The following RIMBP2 variants were observed in gnomAD, a reference collection of about 807,000 sequenced individuals.
RIMBP2 encodes RIMS-binding protein 2.
RIMBP2 carries 48 observed loss-of-function variants against 118.6 expected under a neutral mutation model. The ratio of observed to expected loss-of-function variants is 0.40; its 90% CI spans 0.32 to 0.51. The LOEUF is 0.51. Among genes scored for constraint, RIMBP2 ranks in the 20% least tolerant of loss-of-function variants. RIMBP2 has a pLI of 0.41. For missense variants in RIMBP2, 1,551 were observed against 1,768.3 expected (o/e 0.88, Z 2.20); for synonymous variants, 762 against 742.9 (o/e 1.03, Z -0.42).
At chr12:130,573,419 A>G (rs569882209) in intron 2 of RIMBP2, among the ~76,000 whole-genome samples, 1 of 151,254 alleles carries the variant, frequency 6.6e-6, no homozygotes, top group South Asian at 2.1e-4. Flanking sequence ...TGTGCGTGTG[A>G]GTGTGTGCGT....
At chr12:130,715,578 A>T (rs1398397969) in intron 1 of RIMBP2, among the ~76,000 whole-genome samples, 1 of 152,158 alleles carries the variant, frequency 6.6e-6, no homozygotes, top group East Asian at 1.9e-4. Context: ...CACACTGCTC[A>T]CACAGGCACA....
rs747665902 is a variant in RIMBP2 at position 130,422,516 on chromosome 12, G to A, written c.3175C>T (p.Arg1059Trp). ...CCAGCGCTGCCACGGGGAAACCTCC[G>A]GCCCATGTGATCCACCCGTCCTGCA... The part of the protein sequence containing the change: ...ASAGRVDHMG[R>W]RFPRGSAGPQ... The change falls in exon 17 of 23, where the codon CGG (arginine) becomes TGG (tryptophan). Residue 1059 changes from arginine (R) to tryptophan (W), a missense_variant. Arg to Trp is a moderately radical substitution (Grantham distance 101). Around this residue, in one of 5 missense-constraint regions of RIMBP2, gnomAD observed 1,038 missense variants for 1,125.1 expected, o/e 0.92. Transcript: ENST00000690449. The surrounding 1 kb of genome is among the most constrained non-coding windows in gnomAD (Gnocchi z 5.2). 1.5e-5 allele frequency: 24 copies of A among 1,612,706 alleles called. No individual in the cohort carries two copies. Among genetic ancestry groups the A allele is most frequent in the Admixed American group, 6.7e-5 (4 of 59,914 alleles).
chr12:130,601,292 CG>C (rs1410118436), intron 2 of RIMBP2, among the ~76,000 whole-genome samples: 2 of 127,670 alleles, frequency 1.6e-5, no homozygotes, highest in East Asian at 5.1e-4. Flanking sequence ...CTAAAAGCCA[CG>C]GGCTGCTCAC....
rs1456123562 is a variant in RIMBP2 at position 130,688,661 on chromosome 12, C to T, written c.-352+27561G>A. ...GGGTGTGCTGGCCTTTCTTGGTGCC[C>T]AAGGGCAGGTGACAGGTACAGGCAG... On this transcript the variant is annotated intron_variant, in intron 1 of 22. Transcript: ENST00000690449. This position sits in a 1 kb window ranked among gnomAD's most constrained non-coding sequence, Gnocchi z 4.7. Among the ~76,000 whole-genome samples the T allele has an allele frequency of 1.3e-5, 2 of 152,128 alleles. No individual in the cohort carries two copies. Among genetic ancestry groups the T allele is most frequent in the Non-Finnish European group, 2.9e-5 (2 of 68,032 alleles).
chr12:130,526,976 A>G (rs1449379612), intron 2 of RIMBP2, among the ~76,000 whole-genome samples: 1 of 152,128 alleles, frequency 6.6e-6, no homozygotes, highest in Non-Finnish European at 1.5e-5. Context: ...GGAGAGAAGG[A>G]GAAACCACAG....
intron 6 of RIMBP2, among the ~76,000 whole-genome samples, chr12:130,460,508 G>A (rs751894470): frequency 1.3e-5 from 2 of 152,146 alleles, no homozygotes; most frequent in Non-Finnish European, 2.9e-5. Context: ...TAGTGGTATA[G>A]TAACAGTGCT....
intron 19 of RIMBP2, among the ~76,000 whole-genome samples, chr12:130,409,332 C>CT (rs35015661): frequency 0.34 from 22,481 of 65,362 alleles, 8,616 homozygotes; most frequent in Non-Finnish European, 0.5. Flanking sequence ...CAAAATGTAG[C>CT]TTTTTTTTTT....
chr12:130,401,328 C>A (rs1318282801), intron 21 of RIMBP2, among the ~76,000 whole-genome samples: 1 of 152,104 alleles, frequency 6.6e-6, no homozygotes, highest in East Asian at 1.9e-4. Context: ...GTTGGCCAAG[C>A]TGGTCTCGAA....
At chr12:130,519,418 C>T (rs766526677) in intron 2 of RIMBP2, among the ~76,000 whole-genome samples, 2 of 152,158 alleles carry the variant, frequency 1.3e-5, no homozygotes, top group Non-Finnish European at 1.5e-5. Context: ...TGCTTTGTTC[C>T]GGGAAACAAT....
intron 1 of RIMBP2, among the ~76,000 whole-genome samples, chr12:130,699,291 C>T (rs1442265667): frequency 3.3e-5 from 5 of 152,166 alleles, no homozygotes; most frequent in East Asian, 3.9e-4. Flanking sequence ...ATGTCTATTG[C>T]GGCACTATTC....
At chr12:130,464,685 G>C (rs562739704) in intron 6 of RIMBP2, among the ~76,000 whole-genome samples, 1 of 152,254 alleles carries the variant, frequency 6.6e-6, no homozygotes, top group Non-Finnish European at 1.5e-5. Context: ...ACGAGGCCAA[G>C]AGGGACTTGC....
At chr12:130,692,005 C>T (rs1016122270) in intron 1 of RIMBP2, among the ~76,000 whole-genome samples, 110 of 152,248 alleles carry the variant, frequency 7.2e-4, no homozygotes, top group African/African-American at 2.6e-3. Context: ...AGGAAAACTG[C>T]CCTGGATGCT....
At chr12:130,599,567 T>C (rs977481213) in intron 2 of RIMBP2, among the ~76,000 whole-genome samples, 2 of 152,186 alleles carry the variant, frequency 1.3e-5, no homozygotes, top group African/African-American at 4.8e-5. Context: ...CATAATACCA[T>C]GACTTACCCA....
At chr12:130,408,426 C>G (rs1210963667) in intron 19 of RIMBP2, among the ~76,000 whole-genome samples, 1 of 152,160 alleles carries the variant, frequency 6.6e-6, no homozygotes, top group African/African-American at 2.4e-5. Context: ...TAGCAGCGGC[C>G]GTAGAGAAGA....
At chr12:130,428,497 G>T in intron 14 of RIMBP2, 160 bp from the exon 15 acceptor site, 1 of 655,580 alleles carries the variant, frequency 1.5e-6, no homozygotes, top group East Asian at 3.0e-5. Context: ...GGAAAGTGAG[G>T]CTGGAGAGAG....
In RIMBP2 at chr12:130,639,296, G is replaced by A. The variant is rs2062496793; in HGVS notation, c.-351-10840C>T. 2.6e-5 allele frequency among the ~76,000 whole-genome samples: 4 copies of A among 151,682 alleles called. No individual in the cohort carries two copies. In the East Asian group the frequency reaches 5.8e-4, roughly 22 times the overall value. On this transcript the variant is annotated intron_variant, in intron 1 of 22. Transcript: ENST00000690449. Reference sequence around the variant, plus strand: ...CTCAGCTACTCAGGAGGCTGAGGCAGGAGAATCGTTTGAACCCGGGAGGTA... The same window carrying A: ...CTCAGCTACTCAGGAGGCTGAGGCAAGAGAATCGTTTGAACCCGGGAGGTA...
Position 130,447,531 on chromosome 12 carries a change from C to A in RIMBP2, c.582-2262G>T, listed in dbSNP as rs993456894. On this transcript the variant is annotated intron_variant, in intron 9 of 22. Transcript: ENST00000690449. The surrounding 1 kb of genome is among the most constrained non-coding windows in gnomAD (Gnocchi z 4.4). ...CTGATGGGAATGGGTTCTTGAGGGG[C>A]GATGGGAGACGAGGGACAGGTGATC... Among the ~76,000 whole-genome samples, 1 of 150,850 alleles carries A rather than the reference C, an allele frequency of 6.6e-6. No homozygotes were observed. Among genetic ancestry groups the A allele is most frequent in the African/African-American group, 2.5e-5 (1 of 40,720 alleles).
chr12:130,428,465 C>T, intron 14 of RIMBP2, 128 bp from the exon 15 acceptor site: 2 of 926,758 alleles, frequency 2.2e-6, no homozygotes, highest in Non-Finnish European at 3.2e-6. Flanking sequence ...GAGACGGGCA[C>T]AGGGTGTGTG....
chr12:130,706,135 A>G (rs2066106321), intron 1 of RIMBP2, among the ~76,000 whole-genome samples: 1 of 152,144 alleles, frequency 6.6e-6, no homozygotes, highest in Non-Finnish European at 1.5e-5. Flanking sequence ...TGTTTGTTGA[A>G]CCCTCACACT....
Sources: allele counts gnomAD v4.1 joint callset (sites outside exome capture counted in the v4.1 genomes callset), GRCh38; gene constraint gnomAD v4.1.1; regional missense constraint gnomAD v4.1.1; non-coding constraint Gnocchi (gnomAD v3.1); transcripts MANE v1.5; gene names NCBI Gene and HGNC (gene_info 2026-07-23, HGNC 2026-07-21).